NDRG3: variants seen among roughly 807,000 people sequenced by gnomAD.
NDRG3 encodes the protein NDRG family member 3.
NDRG3 carries 23 observed loss-of-function variants against 57.2 expected under a neutral mutation model. The ratio of observed to expected loss-of-function variants is 0.40; its 90% CI spans 0.29 to 0.57. NDRG3 has a LOEUF of 0.57. NDRG3 is among the 20% of genes least tolerant of loss of function. NDRG3 has a pLI of 0.42. For synonymous variants in NDRG3, 132 were observed against 162.6 expected, an observed-to-expected ratio of 0.81 and a Z score of 1.43; for missense variants, 384 against 457.3, an observed-to-expected ratio of 0.84 and a Z score of 1.46.
intron 12 of NDRG3, among the ~76,000 whole-genome samples, chr20:36,662,522 T>G (rs949796203): frequency 6.6e-6 from 1 of 152,224 alleles, no homozygotes; most frequent in African/African-American, 2.4e-5. Flanking sequence ...TTTTGACATC[T>G]ACTTTCTCCT....
At chr20:36,717,707 G>A (rs946858990) in intron 2 of NDRG3, among the ~76,000 whole-genome samples, 7 of 152,136 alleles carry the variant, frequency 4.6e-5, no homozygotes, top group South Asian at 2.1e-4. Context: ...ATCATAGCAG[G>A]ACAGGCAAAA....
Position 36,660,382 on chromosome 20 carries a change from G to A in NDRG3, c.813C>T (p.Val271=), listed in dbSNP as rs777659603. 3 of 1,605,668 alleles carry A rather than the reference G, an allele frequency of 1.9e-6. No homozygotes were observed. Among genetic ancestry groups the A allele is most frequent in the South Asian group, 1.1e-5 (1 of 90,354 alleles). The change falls in exon 13 of 16, where the codon GTC becomes GTT. Residue 271 remains valine, a splice_region_variant and synonymous_variant. Transcript: ENST00000349004. ...TAGGGTTCAGGCGGGAATTGCATTC[G>A]ACCTAAAATTTAAAAAAAGAGAAGA... ...GDNSPAVEAV[V]ECNSRLNPIN... is the part of the protein sequence containing the mutation.
intron 1 of NDRG3, among the ~76,000 whole-genome samples, chr20:36,731,458 T>C (rs971954160): frequency 2.0e-5 from 3 of 151,960 alleles, no homozygotes; most frequent in Non-Finnish European, 4.4e-5. Context: ...CTAGGAAAAA[T>C]GAAGTTCAGT....
At position 36,707,288 on chromosome 20, in the gene NDRG3, T is replaced by G. The variant is rs57121122; in HGVS notation, c.58-281A>C. 0.033 allele frequency among the ~76,000 whole-genome samples: 5,007 copies of G among 152,152 alleles called. 104 individuals are homozygous for G. The highest frequency in any genetic ancestry group is 0.087 in the South Asian group (421 of 4,820). ...GCTTGTAACTTCTTGCCTTCCTACC[T>G]AAGGAGAGCGGTGAGAATTTGCAGG... On this transcript the variant is annotated intron_variant, in intron 2 of 15. Transcript: ENST00000349004.
At chr20:36,712,471 C>T (rs6129535) in intron 2 of NDRG3, among the ~76,000 whole-genome samples, 53,542 of 132,548 alleles carry the variant, frequency 0.4, 11,565 homozygotes, top group East Asian at 0.64. Context: ...TCACAACTCA[C>T]TGCAGCATTG....
intron 6 of NDRG3, 22 bp downstream of exon 6, chr20:36,684,391 A>G: frequency 6.2e-7 from 1 of 1,602,902 alleles, no homozygotes; most frequent in South Asian, 1.1e-5. Context: ...AAACTGCATG[A>G]AAGACTGCAG....
chr20:36,682,451 A>T (rs1981382439), intron 7 of NDRG3, 67 bp downstream of exon 7: 1 of 1,298,756 alleles, frequency 7.7e-7, no homozygotes, highest in East Asian at 2.3e-5. Context: ...GTCATTTAAC[A>T]CAGCAGTAAT....
intron 1 of NDRG3, among the ~76,000 whole-genome samples, chr20:36,727,132 T>C (rs960635021): frequency 2.6e-5 from 4 of 152,114 alleles, no homozygotes; most frequent in African/African-American, 9.7e-5. Flanking sequence ...GCAAGGCTGG[T>C]CTCAAACTCC....
intron 7 of NDRG3, among the ~76,000 whole-genome samples, chr20:36,682,129 T>C (rs1004930089): frequency 3.3e-5 from 5 of 152,252 alleles, no homozygotes; most frequent in African/African-American, 1.2e-4. Context: ...TTAATATTTT[T>C]TGGTACATTT....
At chr20:36,692,854 G>A (rs1224401859) in intron 3 of NDRG3, among the ~76,000 whole-genome samples, 4 of 151,012 alleles carry the variant, frequency 2.6e-5, no homozygotes, top group African/African-American at 7.3e-5. Flanking sequence ...TGAGAGGATC[G>A]CTTGAGCCCA....
intron 7 of NDRG3, among the ~76,000 whole-genome samples, chr20:36,681,246 G>T (rs1426838211): frequency 1.3e-5 from 2 of 152,150 alleles, no homozygotes; most frequent in African/African-American, 2.4e-5. Context: ...GTTCTCAACA[G>T]AGGCTTCTGA....
At chr20:36,714,998 GTGTGTGTGTATATATATATATATATA>G (rs1473806048) in intron 2 of NDRG3, among the ~76,000 whole-genome samples, 11 of 56,882 alleles carry the variant, frequency 1.9e-4, no homozygotes, top group African/African-American at 7.3e-4. Context: ...GTGTGTGTGT[GTGTGTGTGTATATATATATATATATA>G]TATATATATA....
intron 1 of NDRG3, among the ~76,000 whole-genome samples, chr20:36,724,524 T>C (rs984151876): frequency 6.6e-6 from 1 of 152,242 alleles, no homozygotes; most frequent in African/African-American, 2.4e-5. Flanking sequence ...ACTCTTAAAA[T>C]ATTGGCCTAA....
intron 3 of NDRG3, among the ~76,000 whole-genome samples, chr20:36,692,431 C>T (rs1982341976): frequency 6.6e-6 from 1 of 152,088 alleles, no homozygotes; most frequent in African/African-American, 2.4e-5. Flanking sequence ...ACCATGTTGT[C>T]CGGGCTGGTC....
At chr20:36,712,370 G>C (rs1398743728) in intron 2 of NDRG3, among the ~76,000 whole-genome samples, 1 of 148,472 alleles carries the variant, frequency 6.7e-6, no homozygotes, top group Non-Finnish European at 1.5e-5. Flanking sequence ...CCCTTCCCTA[G>C]AGACTTGTTT....
Position 36,653,486 on chromosome 20 carries a change from T to G in NDRG3, c.*34A>C. On this transcript the variant is annotated 3_prime_UTR_variant, in exon 16 of 16. Coordinates refer to ENST00000349004, the MANE Select transcript of NDRG3 (RefSeq NM_032013.4). This position sits in a 1 kb window ranked among gnomAD's most constrained non-coding sequence, Gnocchi z 4.2. ...TATTATGGAGTGGTCATTTGAAGGA[T>G]GGACTTGCAATGGTCCAGGGGAGGA... 1 of 1,594,604 alleles carries G rather than the reference T, an allele frequency of 6.3e-7. No individual in the cohort carries two copies. The highest frequency in any genetic ancestry group is 8.6e-7 in the Non-Finnish European group (1 of 1,165,600).
intron 8 of NDRG3, among the ~76,000 whole-genome samples, chr20:36,677,281 G>A (rs1397680200): frequency 6.6e-6 from 1 of 152,226 alleles, no homozygotes; most frequent in Non-Finnish European, 1.5e-5. Context: ...GCGGGACGCA[G>A]GCAGAGTCCT....
rs746647555 is a variant in NDRG3, at chr20:36,708,647, CAAAAAAA to C, written c.58-1647_58-1641del. The stretch of plus-strand genomic sequence containing the variant: ...TGGGTGTCAGAGCGAGACTCCGTCT[CAAAAAAA>C]AAAAAAAAAAAAGAAAAAGAAAAAA... On this transcript the variant is annotated intron_variant, in intron 2 of 15. Transcript: ENST00000349004. 7.1e-3 allele frequency among the ~76,000 whole-genome samples: 445 copies of C among 62,650 alleles called. 3 individuals carry two copies. The highest frequency in any genetic ancestry group is 0.025 in the African/African-American group (408 of 16,092). The allele number at this position is 62,650 out of a possible 152,430, so 41.1% of individuals were successfully genotyped here.
intron 3 of NDRG3, among the ~76,000 whole-genome samples, chr20:36,689,433 A>G (rs955765811): frequency 6.6e-6 from 1 of 152,216 alleles, no homozygotes; most frequent in East Asian, 1.9e-4. Context: ...GAAATGGAAG[A>G]TATGAAGAAG....
Sources: allele counts gnomAD v4.1 joint callset (sites outside exome capture counted in the v4.1 genomes callset), GRCh38; gene constraint gnomAD v4.1.1; non-coding constraint Gnocchi (gnomAD v3.1); transcripts MANE v1.5; gene names NCBI Gene and HGNC (gene_info 2026-07-23, HGNC 2026-07-21).